CLEC1A: variants seen among roughly 807,000 people sequenced by gnomAD.
CLEC1A encodes C-type lectin-like receptor-1.
In CLEC1A, 34 loss-of-function variants were observed where a neutral mutation model predicts 28.7. That is an observed-to-expected ratio of 1.18 (90% CI 0.90 to 1.57). The LOEUF is 1.57. Among genes scored for constraint, CLEC1A ranks in the 40% most tolerant of loss-of-function variants. CLEC1A has a pLI of 0.00. For missense variants in CLEC1A, 385 were observed against 339.5 expected (o/e 1.13, Z -1.05); for synonymous variants, 116 against 121.0 (o/e 0.96, Z 0.27).
In CLEC1A at chr12:10,098,871, T is replaced by C. The variant is rs368832133; in HGVS notation, c.52A>G (p.Thr18Ala). 3.5e-5 allele frequency: 56 copies of C among 1,613,538 alleles called. No individual in the cohort carries two copies. The highest frequency in any genetic ancestry group is 1.6e-4 in the Middle Eastern group (1 of 6,084). ...TRDMLDDDGD[T>A]TMSLHSQGSA... ...CCTTGAGAATGCAGGCTCATGGTGGTGTCCCCATCATCATCCAGCATGTCC... is the reference window on the plus strand; with the variant it reads ...CCTTGAGAATGCAGGCTCATGGTGGCGTCCCCATCATCATCCAGCATGTCC... The change falls in exon 1 of 6, where the codon ACC becomes GCC. Residue 18 changes from threonine (T) to alanine (A), a missense_variant. Thr to Ala is a moderately conservative substitution (Grantham distance 58). Coordinates refer to ENST00000315330, the MANE Select transcript of CLEC1A (RefSeq NM_016511.4).
In CLEC1A at chr12:10,098,976, G is replaced by A. The variant is rs1046270583; in HGVS notation, c.-54C>T. ...TGTGGTCGGATTGCCCTGGGCCGCC[G>A]GGCTACTGTGAGCTAGTTCAGGAAG... On this transcript the variant is annotated 5_prime_UTR_variant, in exon 1 of 6. Transcript: ENST00000315330. 7.5e-6 allele frequency: 10 copies of A among 1,326,376 alleles called. No individual in the cohort carries two copies. Among genetic ancestry groups the A allele is most frequent in the Admixed American group, 5.8e-5 (3 of 51,676 alleles). 82.2% of individuals were successfully genotyped at this position (1,326,376 alleles called of 1,614,324 possible).
At chr12:10,080,774 C>T (rs543086832) in intron 3 of CLEC1A, among the ~76,000 whole-genome samples, 1 of 152,294 alleles carries the variant, frequency 6.6e-6, no homozygotes, top group African/African-American at 2.4e-5. Flanking sequence ...TATTAAACTG[C>T]ATATTTTTGA....
chr12:10,077,737 C>T (rs1432177006), intron 3 of CLEC1A, among the ~76,000 whole-genome samples: 2 of 152,090 alleles, frequency 1.3e-5, no homozygotes, highest in Non-Finnish European at 2.9e-5. Context: ...AATATGTCAT[C>T]CAAAGAAAAG....
intron 2 of CLEC1A, among the ~76,000 whole-genome samples, chr12:10,085,712 C>A (rs1018843584): frequency 7.9e-5 from 12 of 152,038 alleles, no homozygotes; most frequent in African/African-American, 2.9e-4. Context: ...GACAGCAACA[C>A]AATAATAGTG....
rs1685878160 is a variant in CLEC1A, at chr12:10,071,473, C to A, written c.703G>T (p.Asp235Tyr). ...ATCCCATTAAGGATGGCCACACAGT[C>A]TCTGCTTCTTGGGCTGGTGACATCT... The part of the protein sequence containing the change: ...IIDVTSPRSR[D>Y]CVAILNGMIF... The change falls in exon 6 of 6, where the codon GAC (aspartate) becomes TAC (tyrosine). Residue 235 changes from aspartate to tyrosine, a missense_variant. Transcript: ENST00000315330. 2 of 1,613,066 alleles carry A rather than the reference C, an allele frequency of 1.2e-6. No individual in the cohort carries two copies. The highest frequency in any genetic ancestry group is 1.3e-5 in the African/African-American group (1 of 74,882).
At chr12:10,081,857 C>T (rs754890531) in intron 2 of CLEC1A, among the ~76,000 whole-genome samples, 61 of 152,056 alleles carry the variant, frequency 4.0e-4, no homozygotes, top group Middle Eastern at 6.3e-3. Context: ...GAACACACAT[C>T]CCTAATGGGG....
chr12:10,098,351 T>A (rs1035757774), intron 1 of CLEC1A, among the ~76,000 whole-genome samples: 3 of 152,236 alleles, frequency 2.0e-5, no homozygotes, highest in Admixed American at 2.0e-4. Flanking sequence ...CAAGTTAATA[T>A]GAATTAATAT....
chr12:10,088,807 G>A (rs571904714), intron 2 of CLEC1A, among the ~76,000 whole-genome samples: 1 of 152,080 alleles, frequency 6.6e-6, no homozygotes, highest in South Asian at 2.1e-4. Context: ...TGATACCCTA[G>A]TCTTTTGTGG....
chr12:10,084,558 C>T (rs1365860105), intron 2 of CLEC1A: 1 of 152,134 alleles, frequency 6.6e-6, no homozygotes, highest in East Asian at 1.9e-4. Flanking sequence ...TGCAGTGGCT[C>T]AAGTCTGTAA....
chr12:10,087,761 G>A (rs990696313), intron 2 of CLEC1A, among the ~76,000 whole-genome samples: 2 of 150,420 alleles, frequency 1.3e-5, no homozygotes, highest in African/African-American at 2.4e-5. Context: ...GACCTCAAGC[G>A]ATTCGCCCGC....
Position 10,075,548 on chromosome 12 carries a change from T to C in CLEC1A, c.499A>G (p.Ser167Gly). 6.2e-7 allele frequency: 1 copy of C among 1,614,052 alleles called. No individual in the cohort carries two copies. ...SWEDCKYFCLSENSTMLKINK... is the reference protein window; with the variant it reads ...SWEDCKYFCLGENSTMLKINK... The stretch of plus-strand genomic sequence containing the variant: ...ATCTTCAGCATGGTAGAGTTTTCAC[T>C]AAGGCAGAAATATTTACAGTCCTCC... The change falls in exon 4 of 6, where the codon AGT (serine) becomes GGT (glycine). Residue 167 changes from serine to glycine, a missense_variant. Ser to Gly is a moderately conservative substitution (Grantham distance 56). Coordinates refer to ENST00000315330, the MANE Select transcript of CLEC1A (RefSeq NM_016511.4).
At position 10,090,081 on chromosome 12, in the gene CLEC1A, C is replaced by T. The variant is rs114649810; in HGVS notation, c.116-859G>A. Among the ~76,000 whole-genome samples the T allele has an allele frequency of 3.8e-3, 576 of 152,262 alleles. 5 individuals carry two copies. Among genetic ancestry groups the T allele is most frequent in the African/African-American group, 0.013 (526 of 41,560 alleles). On this transcript the variant is annotated intron_variant, in intron 1 of 5. Transcript: ENST00000315330. ...AAGAGTCTCAGTCAGGTGCAGGTAG[C>T]ATCTAGCACTGTGATAAAAATGAAA...
At chr12:10,098,300 C>T (rs1433809263) in intron 1 of CLEC1A, among the ~76,000 whole-genome samples, 1 of 152,030 alleles carries the variant, frequency 6.6e-6, no homozygotes, top group Admixed American at 6.6e-5. Context: ...CTCACAACCA[C>T]CTTGTAAAGG....
chr12:10,090,107 CAAAG>C lies in CLEC1A; in HGVS notation c.116-889_116-886del, dbSNP rs143005695. Among the ~76,000 whole-genome samples, 303 of 152,224 alleles carry C rather than the reference CAAAG, an allele frequency of 2.0e-3. 2 individuals are homozygous for C. Among genetic ancestry groups the C allele is most frequent in the East Asian group, 0.011 (55 of 5,184 alleles). The stretch of plus-strand genomic sequence containing the variant: ...ATCTAGCACTGTGATAAAAATGAAA[CAAAG>C]AGAGAGTGAAACCCTCAAACAAACT... On this transcript the variant is annotated intron_variant, in intron 1 of 5. Transcript: ENST00000315330.
At chr12:10,080,860 T>A (rs1339564577) in intron 3 of CLEC1A, among the ~76,000 whole-genome samples, 1 of 152,206 alleles carries the variant, frequency 6.6e-6, no homozygotes, top group Non-Finnish European at 1.5e-5. Context: ...CTAGTCCCTG[T>A]ATGTTGTTTA....
intron 3 of CLEC1A, 138 bp from the exon 4 acceptor site, chr12:10,075,793 C>T: frequency 1.4e-6 from 1 of 718,876 alleles, no homozygotes; most frequent in Non-Finnish European, 2.2e-6. Flanking sequence ...GCAATGATAA[C>T]TACAATGTTT....
At chr12:10,086,536 A>T (rs903803118) in intron 2 of CLEC1A, among the ~76,000 whole-genome samples, 2 of 152,138 alleles carry the variant, frequency 1.3e-5, no homozygotes, top group African/African-American at 4.8e-5. Flanking sequence ...CCACACAAAT[A>T]CGAAAGATCA....
At chr12:10,072,865 G>A (rs117118330) in intron 5 of CLEC1A, among the ~76,000 whole-genome samples, 1,910 of 152,248 alleles carry the variant, frequency 0.013, 17 homozygotes, top group Middle Eastern at 0.027. Flanking sequence ...AATCACTTGA[G>A]TCCAGGAGTT....
chr12:10,072,634 A>ATCTC (rs58355839), intron 5 of CLEC1A, among the ~76,000 whole-genome samples: 51,727 of 147,932 alleles, frequency 0.35, 10,448 homozygotes, highest in Middle Eastern at 0.49. Flanking sequence ...TCAGGGAAAG[A>ATCTC]TCTCTCTCTC....
Sources: gnomAD v4.1 joint callset for allele counts (sites outside exome capture counted in the v4.1 genomes callset) on GRCh38, gnomAD v4.1.1 for gene constraint, MANE v1.5 for transcripts, NCBI Gene and HGNC (gene_info 2026-07-23, HGNC 2026-07-21) for gene names.